The following OPCML variants were observed in gnomAD, a reference collection of about 807,000 sequenced individuals.
OPCML encodes opioid binding protein/cell adhesion molecule like.
In OPCML, 13 loss-of-function variants were observed where a neutral mutation model predicts 37.8. That is an observed-to-expected ratio of 0.34 (90% CI 0.22 to 0.55). OPCML has a LOEUF of 0.55. OPCML is among the 20% of genes least tolerant of loss of function. The pLI, the probability that OPCML is intolerant of heterozygous loss-of-function variation, is 0.91. For missense variants in OPCML, 341 were observed against 435.6 expected (o/e 0.78, Z 1.93); for synonymous variants, 176 against 168.8 (o/e 1.04, Z -0.33).
intron 2 of OPCML, among the ~76,000 whole-genome samples, chr11:132,891,636 C>T (rs2136462368): frequency 6.6e-6 from 1 of 152,262 alleles, no homozygotes; most frequent in Non-Finnish European, 1.5e-5. Context: ...CTTGTTCTCT[C>T]TTAGGCCTCC....
chr11:133,457,419 G>GT (rs1433538573), intron 1 of OPCML, among the ~76,000 whole-genome samples: 1 of 151,900 alleles, frequency 6.6e-6, no homozygotes, highest in Non-Finnish European at 1.5e-5. Flanking sequence ...CACGCCTGTA[G>GT]TCCCAACTAC....
chr11:132,924,902 C>T (rs1437142222), intron 2 of OPCML, among the ~76,000 whole-genome samples: 8 of 152,134 alleles, frequency 5.3e-5, no homozygotes, highest in African/African-American at 1.9e-4. Context: ...TCTCATTACA[C>T]ATACGTTGCA....
intron 7 of OPCML, among the ~76,000 whole-genome samples, chr11:132,429,185 G>T (rs1018772805): frequency 2.6e-5 from 4 of 152,142 alleles, no homozygotes; most frequent in African/African-American, 7.2e-5. Context: ...AAGCTATAAG[G>T]CTACGCTGAT....
chr11:133,303,544 C>T (rs1020193782), intron 1 of OPCML, among the ~76,000 whole-genome samples: 7 of 152,150 alleles, frequency 4.6e-5, no homozygotes, highest in Admixed American at 1.3e-4. Flanking sequence ...AGCAACAAAA[C>T]AAAGAACACC....
At chr11:132,596,917 T>C in intron 3 of OPCML, among the ~76,000 whole-genome samples, 1 of 152,198 alleles carries the variant, frequency 6.6e-6, no homozygotes, top group East Asian at 1.9e-4. Context: ...AGCTGGTATT[T>C]TTGCTTACAC....
intron 1 of OPCML, among the ~76,000 whole-genome samples, chr11:133,182,235 A>G (rs1937867147): frequency 6.6e-6 from 1 of 152,182 alleles, no homozygotes; most frequent in Non-Finnish European, 1.5e-5. Flanking sequence ...CTTCTGAGAG[A>G]TGGCTAATCT....
At chr11:132,937,909 G>T (rs890524013) in intron 2 of OPCML, among the ~76,000 whole-genome samples, 5 of 151,594 alleles carry the variant, frequency 3.3e-5, no homozygotes, top group Non-Finnish European at 5.9e-5. Context: ...TTGTTTTCTT[G>T]ACCTCAGGGA....
intron 4 of OPCML, among the ~76,000 whole-genome samples, chr11:132,519,866 T>C (rs1048561341): frequency 1.2e-4 from 19 of 152,162 alleles, no homozygotes; most frequent in African/African-American, 4.3e-4. Context: ...AAAGAAGTAG[T>C]AGCAAGACTG....
In OPCML at chr11:133,208,346, C is replaced by T. The variant is rs1939197837; in HGVS notation, c.62-265336G>A. On this transcript the variant is annotated intron_variant, in intron 1 of 7. Coordinates refer to ENST00000524381, the MANE Select transcript of OPCML (RefSeq NM_001012393.5). The surrounding 1 kb of genome is among the most constrained non-coding windows in gnomAD (Gnocchi z 8.9). ...CCGTGTGTTCTACTACATTCAGTAT[C>T]ATTGTCGAGGGGCAGCTGGGGCATG... Among the ~76,000 whole-genome samples the T allele has an allele frequency of 1.3e-5, 2 of 152,188 alleles. No individual in the cohort carries two copies. The highest frequency in any genetic ancestry group is 4.8e-5 in the African/African-American group (2 of 41,444).
chr11:133,020,949 CAG>C (rs553199992), intron 1 of OPCML, among the ~76,000 whole-genome samples: 250 of 152,234 alleles, frequency 1.6e-3, no homozygotes, highest in African/African-American at 5.7e-3. Flanking sequence ...CATAGACTCT[CAG>C]AGACTTTTAA....
chr11:132,912,046 G>T (rs1000624736), intron 2 of OPCML, among the ~76,000 whole-genome samples: 5 of 152,054 alleles, frequency 3.3e-5, no homozygotes, highest in Admixed American at 3.3e-4. Flanking sequence ...TGGGTATTAA[G>T]CTCTGGGACC....
At chr11:133,202,571 AG>A (rs1826979721) in intron 1 of OPCML, among the ~76,000 whole-genome samples, 1 of 152,220 alleles carries the variant, frequency 6.6e-6, no homozygotes, top group Admixed American at 6.5e-5. Flanking sequence ...ATTTTGCCCA[AG>A]TACCTGAGAT....
At chr11:133,176,554 A>G (rs1444106801) in intron 1 of OPCML, among the ~76,000 whole-genome samples, 1 of 152,014 alleles carries the variant, frequency 6.6e-6, no homozygotes, top group East Asian at 1.9e-4. Flanking sequence ...ATGGTTTTAC[A>G]CCATCCTCTT....
intron 1 of OPCML, among the ~76,000 whole-genome samples, chr11:133,245,430 A>G (rs1342388370): frequency 1.3e-5 from 2 of 152,190 alleles, no homozygotes; most frequent in Non-Finnish European, 2.9e-5. Flanking sequence ...GGCCAGGTCA[A>G]AGCCTTCTGA....
chr11:133,396,908 A>G (rs1945298132), intron 1 of OPCML, among the ~76,000 whole-genome samples: 2 of 152,172 alleles, frequency 1.3e-5, no homozygotes. Context: ...CTACTGAGGC[A>G]TTTACTTTCA....
intron 1 of OPCML, among the ~76,000 whole-genome samples, chr11:133,354,334 T>A (rs1432032002): frequency 1.2e-5 from 1 of 85,964 alleles, no homozygotes; most frequent in African/African-American, 4.3e-5. Flanking sequence ...GTGGTGATGA[T>A]GGTGGTGGTA....
rs147780054 is a variant in OPCML, at chr11:132,533,903, T to A, written c.380-4717A>T. Among the ~76,000 whole-genome samples the A allele has an allele frequency of 2.5e-3, 377 of 152,300 alleles. 3 individuals are homozygous for A. The highest frequency in any genetic ancestry group is 8.1e-3 in the African/African-American group (336 of 41,572). ...GTTTATGCCTTTATCACACCATTTA[T>A]CTTTGCAACTGAGCTATCCCATGGA... On this transcript the variant is annotated intron_variant, in intron 3 of 7. Transcript: ENST00000524381.
intron 3 of OPCML, among the ~76,000 whole-genome samples, chr11:132,548,789 C>T (rs117007415): frequency 0.01 from 1,590 of 152,352 alleles, 14 homozygotes; most frequent in Middle Eastern, 0.024. Flanking sequence ...CTTGACATAT[C>T]TGTAACCACG....
chr11:132,832,803 G>C (rs915373255), intron 2 of OPCML, among the ~76,000 whole-genome samples: 1 of 152,194 alleles, frequency 6.6e-6, no homozygotes, highest in Non-Finnish European at 1.5e-5. Flanking sequence ...GTCACTCCTA[G>C]GCTACAAGCC....
Sources: allele counts gnomAD v4.1 joint callset (sites outside exome capture counted in the v4.1 genomes callset), GRCh38; gene constraint gnomAD v4.1.1; non-coding constraint Gnocchi (gnomAD v3.1); transcripts MANE v1.5; gene names NCBI Gene and HGNC (gene_info 2026-07-23, HGNC 2026-07-21).